ADGB: variants seen among roughly 807,000 people sequenced by gnomAD.
The protein encoded by ADGB is androglobin, also known as calpain-7-like protein.
Under a neutral mutation model 210.5 loss-of-function variants are expected in ADGB, and 172 were observed. The ratio of observed to expected loss-of-function variants is 0.82; its 90% CI spans 0.72 to 0.93. The LOEUF (loss-of-function observed/expected upper bound fraction) is 0.93, where lower values mean the gene tolerates loss of function less well. Ranked by LOEUF, ADGB falls within the 40% of genes least tolerant of loss-of-function variation. The pLI is 0.00. For synonymous variants in ADGB, 658 were observed against 662.7 expected, an observed-to-expected ratio of 0.99 and a Z score of 0.11; for missense variants, 2,025 against 1,964.8, an observed-to-expected ratio of 1.03 and a Z score of -0.58.
At chr6:146,766,746 T>C (rs2114628582) in intron 28 of ADGB, among the ~76,000 whole-genome samples, 1 of 152,144 alleles carries the variant, frequency 6.6e-6, no homozygotes, top group East Asian at 1.9e-4. Context: ...TTTTAAGAAA[T>C]TAATGTAATC....
Position 146,763,977 on chromosome 6 carries a change from G to A in ADGB, c.3627G>A (p.Gln1209=). 6.4e-7 allele frequency: 1 copy of A among 1,551,482 alleles called. No homozygotes were observed. Among genetic ancestry groups the A allele is most frequent in the Non-Finnish European group, 8.7e-7 (1 of 1,146,874 alleles). Residue 1209 remains glutamine, a synonymous_variant, in exon 28 of 36, where the codon CAG becomes CAA. Coordinates refer to ENST00000397944, the MANE Select transcript of ADGB (RefSeq NM_024694.4). ...QEVYVKKKAA[Q]GIQKSPKGRA... ...TGTATGTTAAGAAGAAAGCTGCTCA[G>A]GGAATTCAGAAATCCCCCAAGGGTA...
At chr6:146,782,684 G>T (rs1199264819) in intron 30 of ADGB, among the ~76,000 whole-genome samples, 1 of 152,148 alleles carries the variant, frequency 6.6e-6, no homozygotes. Flanking sequence ...GGAGGGGTCA[G>T]TAAGGGTCAG....
intron 32 of ADGB, among the ~76,000 whole-genome samples, chr6:146,786,715 A>G (rs1459182470): frequency 6.6e-6 from 1 of 152,198 alleles, no homozygotes; most frequent in Non-Finnish European, 1.5e-5. Context: ...TTTCTAACTC[A>G]AGTACTCACT....
At chr6:146,717,102 T>C in intron 15 of ADGB, 33 bp downstream of exon 15, 1 of 1,511,538 alleles carries the variant, frequency 6.6e-7, no homozygotes, top group Non-Finnish European at 9.0e-7. Context: ...TCTGACTATG[T>C]CGTAGTGGTT....
At chr6:146,713,532 A>T (rs562770972) in intron 13 of ADGB, among the ~76,000 whole-genome samples, 38 of 152,122 alleles carry the variant, frequency 2.5e-4, no homozygotes, top group Admixed American at 3.9e-4. Flanking sequence ...GGCCATTTGT[A>T]TGTCTCCTTA....
chr6:146,616,922 A>G (rs1192873668), intron 1 of ADGB, among the ~76,000 whole-genome samples: 1 of 152,018 alleles, frequency 6.6e-6, no homozygotes, highest in Non-Finnish European at 1.5e-5. Context: ...TGCTTTGGTT[A>G]TTCTGTGTTG....
intron 27 of ADGB, among the ~76,000 whole-genome samples, chr6:146,763,486 T>A (rs1777527097): frequency 2.0e-5 from 3 of 152,176 alleles, no homozygotes; most frequent in Admixed American, 2.0e-4. Flanking sequence ...TTTAAACCTA[T>A]CAGCAGTACT....
At chr6:146,810,174 C>T (rs259381) in intron 35 of ADGB, among the ~76,000 whole-genome samples, 26,930 of 151,546 alleles carry the variant, frequency 0.18, 2,594 homozygotes, top group Middle Eastern at 0.22. Context: ...TATCCAAAGA[C>T]GACACAGGAA....
chr6:146,744,121 C>T (rs895534381), intron 25 of ADGB, among the ~76,000 whole-genome samples: 4 of 152,128 alleles, frequency 2.6e-5, no homozygotes, highest in Non-Finnish European at 5.9e-5. Flanking sequence ...TTCTGACCCA[C>T]AAAACATAAA....
At chr6:146,762,923 T>G (rs1777516183) in intron 27 of ADGB, among the ~76,000 whole-genome samples, 1 of 152,194 alleles carries the variant, frequency 6.6e-6, no homozygotes, top group Non-Finnish European at 1.5e-5. Context: ...TATTGTTGAG[T>G]GTTTGCACAA....
intron 35 of ADGB, chr6:146,803,949 GAT>G (rs1778172646): frequency 4.2e-6 from 1 of 235,710 alleles, no homozygotes; most frequent in Non-Finnish European, 8.0e-6. Context: ...GGTGGCAGCA[GAT>G]ATGTTAGGAA....
chr6:146,651,647 G>A (rs1281360629), intron 3 of ADGB, among the ~76,000 whole-genome samples: 2 of 152,060 alleles, frequency 1.3e-5, no homozygotes, highest in Non-Finnish European at 2.9e-5. Context: ...TCTTGACTTT[G>A]GCCTGATAAT....
At chr6:146,731,026 A>T (rs1776975209) in intron 20 of ADGB, among the ~76,000 whole-genome samples, 1 of 152,186 alleles carries the variant, frequency 6.6e-6, no homozygotes, top group Non-Finnish European at 1.5e-5. Context: ...AGTGTCCTAA[A>T]TGTAAATGCT....
chr6:146,803,822 C>G (rs564100657), intron 35 of ADGB: 35 of 467,214 alleles, frequency 7.5e-5, no homozygotes, highest in African/African-American at 5.4e-4. Flanking sequence ...CCGAGTCCCA[C>G]TCAGGGCCAT....
At chr6:146,655,004 G>C (rs1432925510) in intron 4 of ADGB, among the ~76,000 whole-genome samples, 1 of 151,974 alleles carries the variant, frequency 6.6e-6, no homozygotes, top group African/African-American at 2.4e-5. Context: ...TTCTCTATCT[G>C]TTTCTCAGAC....
chr6:146,625,736 A>C (rs895711086), intron 1 of ADGB, among the ~76,000 whole-genome samples: 1 of 152,070 alleles, frequency 6.6e-6, no homozygotes, highest in Non-Finnish European at 1.5e-5. Flanking sequence ...TGCCAGCACC[A>C]TGCTTCCTAT....
intron 13 of ADGB, among the ~76,000 whole-genome samples, chr6:146,709,653 C>CTAT (rs1247197637): frequency 6.6e-6 from 1 of 152,178 alleles, no homozygotes; most frequent in Non-Finnish European, 1.5e-5. Context: ...CCACCAGGGT[C>CTAT]TATTGGGTGG....
At position 146,656,802 on chromosome 6, in the gene ADGB, C is replaced by A. The variant is rs1281749410; in HGVS notation, c.434C>A (p.Ala145Glu). 5.2e-6 allele frequency: 8 copies of A among 1,547,464 alleles called. No individual in the cohort carries two copies. In the East Asian group the frequency reaches 2.0e-4, roughly 38 times the overall value. Residue 145 changes from alanine to glutamate, a missense_variant, in exon 5 of 36, where the codon GCA (alanine) becomes GAA (glutamate). By Grantham distance (107) the Ala-to-Glu change is moderately radical. Transcript: ENST00000397944. ...LMRWIISEIY[A>E]VWKIFNGGIL... Reference sequence around the variant, plus strand: ...AGATGGATTATCAGTGAAATCTATGCAGTGTGGAAGATCTTCAATGGAGGA... The same window carrying A: ...AGATGGATTATCAGTGAAATCTATGAAGTGTGGAAGATCTTCAATGGAGGA...
intron 4 of ADGB, among the ~76,000 whole-genome samples, chr6:146,655,446 G>A (rs567079753): frequency 1.9e-4 from 29 of 152,170 alleles, no homozygotes; most frequent in African/African-American, 7.0e-4. Flanking sequence ...CCCATGTTGG[G>A]TTGGGATTTA....
Sources: gnomAD v4.1 joint callset for allele counts (sites outside exome capture counted in the v4.1 genomes callset) on GRCh38, gnomAD v4.1.1 for gene constraint, MANE v1.5 for transcripts, NCBI Gene and HGNC (gene_info 2026-07-23, HGNC 2026-07-21) for gene names.